The following ZMIZ1 variants were observed in gnomAD, a reference collection of about 807,000 sequenced individuals.
The protein encoded by ZMIZ1 is zinc finger MIZ domain-containing protein 1.
ZMIZ1 carries 17 observed loss-of-function variants against 113.9 expected under a neutral mutation model. The observed-to-expected ratio is 0.15, with a 90% CI of 0.10 to 0.22. The LOEUF (loss-of-function observed/expected upper bound fraction) is 0.22, where lower values mean the gene tolerates loss of function less well. ZMIZ1 is among the 10% of genes least tolerant of loss of function. The pLI, the probability that ZMIZ1 is intolerant of heterozygous loss-of-function variation, is 1.00. For missense variants in ZMIZ1, 1,059 were observed against 1,477.8 expected (o/e 0.72, Z 4.65); for synonymous variants, 607 against 603.1 (o/e 1.01, Z -0.09).
At position 79,129,830 on chromosome 10, in the gene ZMIZ1, T is replaced by C. The variant is rs74355670; in HGVS notation, c.-226-9852T>C. Among the ~76,000 whole-genome samples, 168 of 152,324 alleles carry C rather than the reference T, an allele frequency of 1.1e-3. 2 individuals carry two copies. In the East Asian group the frequency reaches 0.029, roughly 26 times the overall value. ...GGATCGCACTGGCCCTTCCGGTGCA[T>C]TGATGGAGTGCACTGCTGACAAAGG... On this transcript the variant is annotated intron_variant, in intron 2 of 24. Transcript: ENST00000334512.
intron 7 of ZMIZ1, among the ~76,000 whole-genome samples, chr10:79,240,004 A>G (rs1393386329): frequency 6.8e-6 from 1 of 147,818 alleles, no homozygotes; most frequent in African/African-American, 2.5e-5. Context: ...GCAAGCCACC[A>G]CTGCCTTCCC....
At chr10:79,155,843 A>T (rs1341388010) in intron 3 of ZMIZ1, among the ~76,000 whole-genome samples, 2 of 152,240 alleles carry the variant, frequency 1.3e-5, no homozygotes, top group Non-Finnish European at 2.9e-5. Flanking sequence ...TTGCCCAGGG[A>T]GAGGTACCCT....
At chr10:79,139,819 G>T (rs558047696) in intron 3 of ZMIZ1, 42 bp downstream of exon 3, 11 of 398,586 alleles carry the variant, frequency 2.8e-5, no homozygotes, top group African/African-American at 2.3e-4. Context: ...CATCACCTTT[G>T]CCTAAGCCTG....
chr10:79,186,394 C>A (rs576431408), intron 4 of ZMIZ1, among the ~76,000 whole-genome samples: 2 of 152,348 alleles, frequency 1.3e-5, no homozygotes, highest in East Asian at 3.9e-4. Flanking sequence ...CACAGACTGG[C>A]GTGTCCCAGG....
rs1855493608 is a variant in ZMIZ1, at chr10:79,315,738, G to A, written c.*2989G>A. The A allele has an allele frequency of 6.5e-6, 1 of 152,804 alleles. No individual in the cohort carries two copies. The highest frequency in any genetic ancestry group is 1.5e-5 in the Non-Finnish European group (1 of 68,044). 9.5% of individuals were successfully genotyped at this position (152,804 alleles called of 1,614,324 possible). On this transcript the variant is annotated 3_prime_UTR_variant, in exon 25 of 25. Transcript: ENST00000334512. ...GCCTGACCCGTCCACACAGGGCCGT[G>A]TCAACAGCAGCGACTCAAGGGACGT...
intron 7 of ZMIZ1, among the ~76,000 whole-genome samples, chr10:79,272,351 G>A (rs1200987506): frequency 2.6e-5 from 4 of 152,116 alleles, no homozygotes; most frequent in Non-Finnish European, 5.9e-5. Flanking sequence ...CAGATAAACC[G>A]AAGCCCAGAG....
intron 1 of ZMIZ1, among the ~76,000 whole-genome samples, chr10:79,111,372 A>T (rs928413819): frequency 3.9e-5 from 6 of 152,200 alleles, no homozygotes; most frequent in African/African-American, 1.4e-4. Flanking sequence ...ACTGGAAGGG[A>T]TGGCATTCCA....
At chr10:79,099,378 C>A (rs1023252128) in intron 1 of ZMIZ1, among the ~76,000 whole-genome samples, 3 of 152,202 alleles carry the variant, frequency 2.0e-5, no homozygotes, top group Non-Finnish European at 4.4e-5. Flanking sequence ...GTCCTTCCCC[C>A]TCCCCATGGC....
intron 23 of ZMIZ1, among the ~76,000 whole-genome samples, chr10:79,310,269 A>T (rs1167660431): frequency 6.6e-6 from 1 of 152,148 alleles, no homozygotes; most frequent in Non-Finnish European, 1.5e-5. Flanking sequence ...GGGTGTGAAG[A>T]TGCCCCTGGC....
chr10:79,305,971 CCA>C, intron 21 of ZMIZ1, 127 bp from the exon 22 acceptor site: 1 of 1,411,624 alleles, frequency 7.1e-7, no homozygotes, highest in Non-Finnish European at 9.5e-7. Context: ...TCCGCCTCGT[CCA>C]CAGTGTGGTG....
At chr10:79,307,687 G>T in intron 23 of ZMIZ1, 116 bp downstream of exon 23, 1 of 1,215,284 alleles carries the variant, frequency 8.2e-7, no homozygotes, top group Non-Finnish European at 1.1e-6. Context: ...GGGTGTGTGG[G>T]CTCAGAATGG....
At chr10:79,243,300 C>T (rs1328980707) in intron 7 of ZMIZ1, among the ~76,000 whole-genome samples, 1 of 150,306 alleles carries the variant, frequency 6.7e-6, no homozygotes, top group South Asian at 2.1e-4. Flanking sequence ...CCATCCCCGT[C>T]CCTGGAGAGC....
At chr10:79,242,770 T>C (rs1282656222) in intron 7 of ZMIZ1, among the ~76,000 whole-genome samples, 6 of 151,772 alleles carry the variant, frequency 4.0e-5, no homozygotes, top group African/African-American at 1.5e-4. Context: ...ATTAATTGCC[T>C]GGGCGGGGGA....
At chr10:79,140,331 C>A (rs1845202920) in intron 3 of ZMIZ1, among the ~76,000 whole-genome samples, 1 of 152,326 alleles carries the variant, frequency 6.6e-6, no homozygotes, top group African/African-American at 2.4e-5. Flanking sequence ...TCTGCATTTT[C>A]AGACCACGAG....
At chr10:79,108,056 T>C (rs570383762) in intron 1 of ZMIZ1, among the ~76,000 whole-genome samples, 6 of 152,306 alleles carry the variant, frequency 3.9e-5, no homozygotes, top group Admixed American at 6.5e-5. Flanking sequence ...GTGATCTGCT[T>C]CCAGGCTAGT....
chr10:79,110,474 A>T (rs770684938), intron 1 of ZMIZ1, among the ~76,000 whole-genome samples: 6 of 152,168 alleles, frequency 3.9e-5, no homozygotes, highest in Non-Finnish European at 8.8e-5. Context: ...GAAGAGTTCA[A>T]GCTTTTCTTC....
intron 4 of ZMIZ1, among the ~76,000 whole-genome samples, chr10:79,192,837 C>G (rs60613031): frequency 1.4e-3 from 215 of 152,320 alleles, no homozygotes; most frequent in African/African-American, 5.0e-3. Context: ...TGTGCAATGA[C>G]TCACGCTGGC....
At chr10:79,140,412 TTGGCTTCATCCTA>T (rs1845207098) in intron 3 of ZMIZ1, among the ~76,000 whole-genome samples, 1 of 152,232 alleles carries the variant, frequency 6.6e-6, no homozygotes. Context: ...CCACAGCAGC[TTGGCTTCATCCTA>T]TTTGCCATAC....
chr10:79,198,484 G>A (rs1847935572), intron 4 of ZMIZ1, among the ~76,000 whole-genome samples: 1 of 152,046 alleles, frequency 6.6e-6, no homozygotes, highest in Non-Finnish European at 1.5e-5. Context: ...GGAGAAATTG[G>A]GCTTCAGGGT....
Sources: gnomAD v4.1 joint callset for allele counts (sites outside exome capture counted in the v4.1 genomes callset) on GRCh38, gnomAD v4.1.1 for gene constraint, MANE v1.5 for transcripts, NCBI Gene and HGNC (gene_info 2026-07-23, HGNC 2026-07-21) for gene names.